The following AFMID variants were observed in gnomAD, a reference collection of about 807,000 sequenced individuals.
AFMID encodes arylformamidase.
Under a neutral mutation model 47.5 loss-of-function variants are expected in AFMID, and 39 were observed. That is an observed-to-expected ratio of 0.82 (90% confidence interval 0.64 to 1.07). The LOEUF (loss-of-function observed/expected upper bound fraction) is 1.07. AFMID is among the 50% of genes least tolerant of loss of function. The probability of loss-of-function intolerance (pLI) is 0.00; values close to 1 mark genes in which losing one functional copy is unlikely to be tolerated. For synonymous variants in AFMID, 130 were observed against 153.2 expected (o/e 0.85, Z 1.12); for missense variants, 375 against 387.5 (o/e 0.97, Z 0.27).
rs1017974591 is a variant in AFMID at position 78,207,128 on chromosome 17, C to T, written c.*191C>T. On this transcript the variant is annotated 3_prime_UTR_variant, in exon 11 of 11. Transcript: ENST00000409257. ...TGAAAATCTCCACGTCCTCCCTCTT[C>T]CCAGCCTGGATGGAGCTCCAGGGCT... is the stretch of plus-strand genomic sequence containing the variant. The T allele has an allele frequency of 9.1e-6, 6 of 656,272 alleles. No homozygotes were observed. Among genetic ancestry groups the T allele is most frequent in the Non-Finnish European group, 1.6e-5 (6 of 375,108 alleles). The allele number at this position is 656,272 out of a possible 1,614,324, so 40.7% of individuals were successfully genotyped here. A position where few individuals can be genotyped will look rare whatever the true frequency, so the allele number is the denominator to read the frequency against.
At chr17:78,193,248 C>G (rs1270656656) in intron 2 of AFMID, among the ~76,000 whole-genome samples, 1 of 151,628 alleles carries the variant, frequency 6.6e-6, no homozygotes, top group Non-Finnish European at 1.5e-5. Context: ...GCGGGCGCCT[C>G]TAGTCCCAGC....
chr17:78,198,322 G>A (rs1266396201), intron 2 of AFMID, among the ~76,000 whole-genome samples: 2 of 151,960 alleles, frequency 1.3e-5, no homozygotes, highest in African/African-American at 4.8e-5. Context: ...GCCTGGGCCA[G>A]ATGCACTGGC....
chr17:78,188,219 C>G (rs1389865442), intron 1 of AFMID, among the ~76,000 whole-genome samples: 1 of 151,614 alleles, frequency 6.6e-6, no homozygotes, highest in African/African-American at 2.4e-5. Flanking sequence ...ATAATAGCAA[C>G]AAAGATGGTG....
chr17:78,205,588 C>T lies in AFMID; in HGVS notation c.645-15C>T, dbSNP rs772669412. On this transcript the variant is annotated splice_polypyrimidine_tract_variant and intron_variant, in intron 8 of 10. Transcript: ENST00000409257. ...GCTCCTCTCTGTCCTGACCCCTGTC[C>T]ACTCCCCACCCCAGGGAGGACGCTC... is the stretch of plus-strand genomic sequence containing the variant. 4 of 1,613,996 alleles carry T rather than the reference C, an allele frequency of 2.5e-6. No homozygotes were observed. Among genetic ancestry groups the T allele is most frequent in the Middle Eastern group, 1.6e-4 (1 of 6,062 alleles).
chr17:78,194,110 GTT>G (rs200914851), intron 2 of AFMID, among the ~76,000 whole-genome samples: 13,794 of 145,322 alleles, frequency 0.095, 1,251 homozygotes, highest in African/African-American at 0.24. Flanking sequence ...TATGTATTGG[GTT>G]TTTTTTTTTT....
chr17:78,204,426 C>T (rs1043254407), intron 4 of AFMID, among the ~76,000 whole-genome samples: 7 of 152,158 alleles, frequency 4.6e-5, no homozygotes, highest in Admixed American at 1.3e-4. Flanking sequence ...GGCGACAGAG[C>T]GAGGCCCTAT....
chr17:78,207,257 A>AGTAAT lies in AFMID; in HGVS notation c.*322_*326dup. On this transcript the variant is annotated 3_prime_UTR_variant, in exon 11 of 11. Coordinates refer to ENST00000409257, the MANE Select transcript of AFMID (RefSeq NM_001010982.5). Reference sequence around the variant, plus strand: ...GAGCATGACAAAGATGACGCTCAAAAGTAATGCCATTACTTCTTTTTTTTT... The same window carrying AGTAAT: ...GAGCATGACAAAGATGACGCTCAAAAGTAATGTAATGCCATTACTTCTTTTTTTTT... 1 of 351,438 alleles carries AGTAAT rather than the reference A, an allele frequency of 2.8e-6. No homozygotes were observed. The allele number at this position is 351,438 out of a possible 1,614,324, so 21.8% of individuals were successfully genotyped here.
intron 2 of AFMID, among the ~76,000 whole-genome samples, chr17:78,202,258 A>AT (rs1555607428): frequency 2.0e-5 from 3 of 147,350 alleles, no homozygotes; most frequent in Admixed American, 6.8e-5. Context: ...TCTACTAAAA[A>AT]ATATATATAT....
chr17:78,204,578 C>A, intron 4 of AFMID, 78 bp from the exon 5 acceptor site: 4 of 1,404,112 alleles, frequency 2.8e-6, no homozygotes, highest in Non-Finnish European at 3.0e-6. Context: ...GGACATCTGG[C>A]AAGTGGTGTG....
intron 2 of AFMID, among the ~76,000 whole-genome samples, chr17:78,202,121 G>A (rs2076259754): frequency 6.6e-6 from 1 of 151,546 alleles, no homozygotes; most frequent in African/African-American, 2.4e-5. Context: ...TACCTGAGCT[G>A]AAATAGAAAT....
intron 9 of AFMID, 102 bp from the exon 10 acceptor site, chr17:78,205,844 A>C: frequency 6.3e-7 from 1 of 1,594,492 alleles, no homozygotes; most frequent in Non-Finnish European, 8.6e-7. Flanking sequence ...TTTATTTAAC[A>C]CGTACTGAGT....
Position 78,187,433 on chromosome 17 carries a change from G to C in AFMID, c.63G>C (p.Glu21Asp). The part of the protein sequence containing the change: ...SKVPWKKMSA[E>D]ELENQYCPSR... Reference sequence around the variant, plus strand: ...TTCCTTGGAAGAAGATGTCTGCAGAGGTAGGTGGATTGCAGGGAGGGACTA... The same window carrying C: ...TTCCTTGGAAGAAGATGTCTGCAGACGTAGGTGGATTGCAGGGAGGGACTA... Residue 21 changes from glutamate to aspartate, a missense_variant and splice_region_variant, in exon 1 of 11, where the codon GAG becomes GAC. By Grantham distance (45) the Glu-to-Asp change is conservative. Transcript: ENST00000409257. 6.2e-7 allele frequency: 1 copy of C among 1,613,994 alleles called. No individual in the cohort carries two copies. The highest frequency in any genetic ancestry group is 8.5e-7 in the Non-Finnish European group (1 of 1,179,986).
chr17:78,197,973 G>T (rs1256458195), intron 2 of AFMID, among the ~76,000 whole-genome samples: 10 of 152,128 alleles, frequency 6.6e-5, no homozygotes, highest in Non-Finnish European at 2.9e-5. Flanking sequence ...AATTAGCTGG[G>T]TGTGGTGGTG....
At chr17:78,199,838 C>T (rs994965062) in intron 2 of AFMID, among the ~76,000 whole-genome samples, 1 of 152,080 alleles carries the variant, frequency 6.6e-6, no homozygotes, top group African/African-American at 2.4e-5. Flanking sequence ...CCCAGCAGCC[C>T]AAGGATCCCC....
At chr17:78,197,256 C>T (rs2076138080) in intron 2 of AFMID, 2 of 1,523,138 alleles carry the variant, frequency 1.3e-6, no homozygotes, top group Non-Finnish European at 8.9e-7. Context: ...GTTGGCAAAC[C>T]CCCATGGATG....
intron 1 of AFMID, among the ~76,000 whole-genome samples, chr17:78,189,527 G>GTT (rs61172116): frequency 7.1e-6 from 1 of 140,600 alleles, no homozygotes; most frequent in Non-Finnish European, 1.6e-5. Flanking sequence ...CCAGTGTTTT[G>GTT]TTTTTTTTTT....
intron 1 of AFMID, among the ~76,000 whole-genome samples, chr17:78,189,621 C>G (rs946608590): frequency 6.6e-6 from 1 of 151,436 alleles, no homozygotes; most frequent in Non-Finnish European, 1.5e-5. Flanking sequence ...TGGGCTCAAG[C>G]GATTCTCCTG....
At position 78,206,123 on chromosome 17, in the gene AFMID, A is replaced by G. The variant is rs866880041; in HGVS notation, c.885+73A>G. On this transcript the variant is annotated intron_variant, in intron 10 of 10. Transcript: ENST00000409257. ...CTGTCGCAGCCCCTTAGATGTGCAA[A>G]CCAGGAGTTCAAGACCAGCCTGGCC... 4 of 1,355,356 alleles carry G rather than the reference A, an allele frequency of 3.0e-6. No individual in the cohort carries two copies. In the South Asian group the frequency reaches 3.6e-5, roughly 12 times the overall value. The allele number at this position is 1,355,356 out of a possible 1,614,324, so 84.0% of individuals were successfully genotyped here. A position where few individuals can be genotyped will look rare whatever the true frequency, so the allele number is the denominator to read the frequency against.
At chr17:78,201,952 G>T (rs562277922) in intron 2 of AFMID, among the ~76,000 whole-genome samples, 87 of 151,464 alleles carry the variant, frequency 5.7e-4, no homozygotes, top group African/African-American at 2.0e-3. Context: ...GGGTGGTCTC[G>T]ATCTCCTGAC....
Sources: allele counts gnomAD v4.1 joint callset (sites outside exome capture counted in the v4.1 genomes callset), GRCh38; gene constraint gnomAD v4.1.1; transcripts MANE v1.5; gene names NCBI Gene and HGNC (gene_info 2026-07-23, HGNC 2026-07-21).